The following KCND2 variants were observed in gnomAD, a reference collection of about 807,000 sequenced individuals.
KCND2 encodes the protein potassium voltage-gated channel subfamily D member 2.
In KCND2, 16 loss-of-function variants were observed where a neutral mutation model predicts 54.4. That is an observed-to-expected ratio of 0.29 (90% CI 0.20 to 0.45). The LOEUF is 0.45. Ranked by LOEUF, KCND2 falls within the 20% of genes least tolerant of loss-of-function variation. The pLI is 1.00. For synonymous variants in KCND2, 317 were observed against 310.7 expected, an observed-to-expected ratio of 1.02 and a Z score of -0.21; for missense variants, 486 against 824.2, an observed-to-expected ratio of 0.59 and a Z score of 5.02.
chr7:120,475,532 C>T (rs561461069), intron 1 of KCND2, among the ~76,000 whole-genome samples: 1 of 152,080 alleles, frequency 6.6e-6, no homozygotes, highest in Non-Finnish European at 1.5e-5. Context: ...CACACCAATC[C>T]TGTTGGTATA....
At chr7:120,316,981 G>A (rs1028102429) in intron 1 of KCND2, among the ~76,000 whole-genome samples, 7 of 151,884 alleles carry the variant, frequency 4.6e-5, no homozygotes, top group Admixed American at 6.6e-5. Context: ...GACTATAGGC[G>A]CATTCAACGA....
At chr7:120,502,637 C>T (rs1802953344) in intron 1 of KCND2, among the ~76,000 whole-genome samples, 1 of 152,022 alleles carries the variant, frequency 6.6e-6, no homozygotes, top group African/African-American at 2.4e-5. Context: ...ATGTTCTTTT[C>T]TTGAACAAAA....
chr7:120,507,270 T>C (rs79892361), intron 1 of KCND2, among the ~76,000 whole-genome samples: 2 of 152,016 alleles, frequency 1.3e-5, no homozygotes, highest in East Asian at 1.9e-4. Context: ...ATAGGATTTA[T>C]AGTACTTTAC....
chr7:120,275,205 G>C lies in KCND2; in HGVS notation c.573G>C (p.Thr191=), dbSNP rs780770259. 5 of 1,613,952 alleles carry C rather than the reference G, an allele frequency of 3.1e-6. No homozygotes were observed. The East Asian group carries it at 1.1e-4, about 36-fold the overall frequency. ...TGGCCCTGGTGTTCTACTATGTCAC[G>C]GGGTTTTTCATTGCCGTCTCTGTCA... is the stretch of plus-strand genomic sequence containing the variant. ...STMALVFYYV[T]GFFIAVSVIA... Residue 191 remains threonine, a synonymous_variant, in exon 1 of 6, where the codon ACG becomes ACC. Transcript: ENST00000331113.
Position 120,748,770 on chromosome 7 carries a change from T to C in KCND2, c.*912T>C, listed in dbSNP as rs929202406. 1 of 152,020 alleles carries C rather than the reference T, an allele frequency of 6.6e-6. No individual in the cohort carries two copies. Among genetic ancestry groups the C allele is most frequent in the Non-Finnish European group, 1.5e-5 (1 of 67,884 alleles). The allele number at this position is 152,020 out of a possible 1,614,324, so 9.4% of individuals were successfully genotyped here. A position where few individuals can be genotyped will look rare whatever the true frequency, so the allele number is the denominator to read the frequency against. ...TTGTGCCATAAATGTTTTTCAGTAA[T>C]ATTTTTTGGTCCACTGTATTCCTGT... On this transcript the variant is annotated 3_prime_UTR_variant, in exon 6 of 6. Coordinates refer to ENST00000331113, the MANE Select transcript of KCND2 (RefSeq NM_012281.3).
At chr7:120,571,417 A>G (rs973101713) in intron 1 of KCND2, among the ~76,000 whole-genome samples, 1 of 152,204 alleles carries the variant, frequency 6.6e-6, no homozygotes, top group Non-Finnish European at 1.5e-5. Flanking sequence ...TGCCTTCCAC[A>G]TAGCAATGAT....
intron 1 of KCND2, among the ~76,000 whole-genome samples, chr7:120,494,126 G>A (rs1417142373): frequency 6.6e-6 from 1 of 152,030 alleles, no homozygotes; most frequent in South Asian, 2.1e-4. Context: ...ATATTTTAAA[G>A]CAATAAAATA....
At chr7:120,703,064 G>A in intron 1 of KCND2, among the ~76,000 whole-genome samples, 1 of 152,154 alleles carries the variant, frequency 6.6e-6, no homozygotes, top group South Asian at 2.1e-4. Flanking sequence ...AATGTGGAAG[G>A]TGTAATCTTG....
At chr7:120,660,230 T>C (rs1791849365) in intron 1 of KCND2, among the ~76,000 whole-genome samples, 1 of 152,196 alleles carries the variant, frequency 6.6e-6, no homozygotes, top group African/African-American at 2.4e-5. Context: ...CTATCGTCAG[T>C]TCTGAAGTCT....
chr7:120,516,935 C>T (rs897679248), intron 1 of KCND2, among the ~76,000 whole-genome samples: 2 of 152,144 alleles, frequency 1.3e-5, no homozygotes, highest in Middle Eastern at 3.4e-3. Flanking sequence ...AAATGGTGGA[C>T]ATCCTGAAGT....
At chr7:120,377,146 A>C (rs1295203872) in intron 1 of KCND2, among the ~76,000 whole-genome samples, 2 of 151,996 alleles carry the variant, frequency 1.3e-5, no homozygotes, top group Non-Finnish European at 2.9e-5. Flanking sequence ...TATCTTGTAT[A>C]AAAGTTAATT....
At chr7:120,576,168 C>T (rs1177294439) in intron 1 of KCND2, among the ~76,000 whole-genome samples, 1 of 152,090 alleles carries the variant, frequency 6.6e-6, no homozygotes, top group East Asian at 1.9e-4. Flanking sequence ...TTTATGCATG[C>T]ACACACACAT....
rs1004343948 is a variant in KCND2 at position 120,636,746 on chromosome 7, TAAGA to T, written c.1116-96151_1116-96148del. 3.9e-5 allele frequency among the ~76,000 whole-genome samples: 6 copies of T among 152,230 alleles called. No individual in the cohort carries two copies. The East Asian group carries it at 1.2e-3, about 29-fold the overall frequency. Reference sequence around the variant, plus strand: ...TGTAAAGATCTGTGAAATAAATGACTAAGAAAGAACATTAATTAGGTCAAACAAA... The same window carrying T: ...TGTAAAGATCTGTGAAATAAATGACTAAGAACATTAATTAGGTCAAACAAA... On this transcript the variant is annotated intron_variant, in intron 1 of 5. Coordinates refer to ENST00000331113, the MANE Select transcript of KCND2 (RefSeq NM_012281.3).
chr7:120,515,574 G>A (rs576519066), intron 1 of KCND2, among the ~76,000 whole-genome samples: 1 of 152,196 alleles, frequency 6.6e-6, no homozygotes, highest in African/African-American at 2.4e-5. Context: ...CCGTGGAGCT[G>A]AGACCCACAC....
At chr7:120,426,597 T>TG (rs1225903537) in intron 1 of KCND2, among the ~76,000 whole-genome samples, 2 of 144,512 alleles carry the variant, frequency 1.4e-5, no homozygotes, top group African/African-American at 5.2e-5. Flanking sequence ...TGTTTTTTTT[T>TG]TTTTTTTTTT....
At chr7:120,316,501 A>G (rs1799814301) in intron 1 of KCND2, among the ~76,000 whole-genome samples, 1 of 152,254 alleles carries the variant, frequency 6.6e-6, no homozygotes, top group Admixed American at 6.5e-5. Flanking sequence ...AGCTTTCAGC[A>G]TCACACGTGT....
intron 1 of KCND2, among the ~76,000 whole-genome samples, chr7:120,723,365 G>A (rs901326446): frequency 2.6e-5 from 4 of 152,118 alleles, no homozygotes; most frequent in African/African-American, 9.7e-5. Flanking sequence ...ACTACCACAC[G>A]ATGGAATTTT....
chr7:120,690,382 T>C (rs886794710), intron 1 of KCND2, among the ~76,000 whole-genome samples: 1 of 152,160 alleles, frequency 6.6e-6, no homozygotes, highest in African/African-American at 2.4e-5. Context: ...CCAATAACTC[T>C]CAAAGAGGTC....
intron 1 of KCND2, among the ~76,000 whole-genome samples, chr7:120,459,150 CT>C (rs1401530713): frequency 6.6e-6 from 1 of 152,052 alleles, no homozygotes; most frequent in Non-Finnish European, 1.5e-5. Flanking sequence ...CTATCAGGCA[CT>C]ACAAAATCTG....
Sources: gnomAD v4.1 joint callset for allele counts (sites outside exome capture counted in the v4.1 genomes callset) on GRCh38, gnomAD v4.1.1 for gene constraint, MANE v1.5 for transcripts, NCBI Gene and HGNC (gene_info 2026-07-23, HGNC 2026-07-21) for gene names.